The following PHLPP1 variants were observed in gnomAD, a reference collection of about 807,000 sequenced individuals.
The protein encoded by PHLPP1 is PH domain leucine-rich repeat-containing protein phosphatase 1.
In PHLPP1, 42 loss-of-function variants were observed where a neutral mutation model predicts 117.2. The observed-to-expected ratio is 0.36, with a 90% CI of 0.28 to 0.46. The LOEUF (loss-of-function observed/expected upper bound fraction) is 0.46, where lower values mean the gene tolerates loss of function less well. Among genes scored for constraint, PHLPP1 ranks in the 20% least tolerant of loss-of-function variants. The pLI is 1.00. For missense variants in PHLPP1, 2,084 were observed against 2,241.9 expected, an observed-to-expected ratio of 0.93 and a Z score of 1.42; for synonymous variants, 1,042 against 970.7, an observed-to-expected ratio of 1.07 and a Z score of -1.37.
chr18:62,934,777 A>T (rs1232234765), intron 10 of PHLPP1, among the ~76,000 whole-genome samples: 1 of 152,176 alleles, frequency 6.6e-6, no homozygotes, highest in African/African-American at 2.4e-5. Flanking sequence ...TCCTCAGCTC[A>T]TGTGTGGATA....
At chr18:62,855,088 T>G (rs1049503936) in intron 3 of PHLPP1, among the ~76,000 whole-genome samples, 1 of 152,172 alleles carries the variant, frequency 6.6e-6, no homozygotes, top group African/African-American at 2.4e-5. Context: ...AAGTTCTTAC[T>G]GCACAGGGTA....
intron 10 of PHLPP1, among the ~76,000 whole-genome samples, chr18:62,925,817 T>A (rs938404894): frequency 1.3e-5 from 2 of 152,166 alleles, no homozygotes; most frequent in Non-Finnish European, 2.9e-5. Flanking sequence ...AACATGCAGA[T>A]TCTTGGCTCT....
intron 1 of PHLPP1, among the ~76,000 whole-genome samples, chr18:62,746,207 G>A (rs1021142225): frequency 7.2e-5 from 11 of 152,022 alleles, no homozygotes; most frequent in Non-Finnish European, 1.2e-4. Context: ...CACCATACCC[G>A]GCTAATTTTG....
chr18:62,938,017 TAAA>T (rs1910025775), intron 10 of PHLPP1, among the ~76,000 whole-genome samples: 1 of 151,576 alleles, frequency 6.6e-6, no homozygotes. Flanking sequence ...AAAAAGAAAA[TAAA>T]AAAGAAGAAG....
intron 1 of PHLPP1, among the ~76,000 whole-genome samples, chr18:62,762,203 T>G (rs989217204): frequency 1.3e-5 from 2 of 152,016 alleles, no homozygotes; most frequent in African/African-American, 4.8e-5. Context: ...TTGTATCTAG[T>G]TCAGGTCGTC....
intron 1 of PHLPP1, among the ~76,000 whole-genome samples, chr18:62,817,582 A>C (rs184878918): frequency 2.6e-5 from 4 of 152,108 alleles, no homozygotes; most frequent in Admixed American, 2.0e-4. Flanking sequence ...TAAAAAAAAA[A>C]CCCATAATGA....
intron 16 of PHLPP1, among the ~76,000 whole-genome samples, chr18:62,975,900 G>T (rs1459110276): frequency 6.6e-6 from 1 of 152,180 alleles, no homozygotes; most frequent in East Asian, 1.9e-4. Context: ...CTGCTTTGGT[G>T]GTTGAGGGCT....
chr18:62,793,913 A>G (rs1913541850), intron 1 of PHLPP1, among the ~76,000 whole-genome samples: 4 of 152,232 alleles, frequency 2.6e-5, no homozygotes, highest in African/African-American at 4.8e-5. Context: ...GTTCAATCCT[A>G]TATCAAACTG....
chr18:62,793,181 GAA>G (rs10617398), intron 1 of PHLPP1, among the ~76,000 whole-genome samples: 21,731 of 152,048 alleles, frequency 0.14, 3,312 homozygotes, highest in African/African-American at 0.39. Context: ...TCTCAGAAAA[GAA>G]AACAAAAAAC....
At position 62,872,713 on chromosome 18, in the gene PHLPP1, G is replaced by A. The variant is rs576943512; in HGVS notation, c.2066+12112G>A. 5.3e-5 allele frequency among the ~76,000 whole-genome samples: 8 copies of A among 151,186 alleles called. No homozygotes were observed. The East Asian group carries it at 7.8e-4, about 15-fold the overall frequency. ...TCTCAAAAAAAAAATTAGGTGGGGC[G>A]TGGTGGCTCACGCCTGTAATCCCAG... is the stretch of plus-strand genomic sequence containing the variant. On this transcript the variant is annotated intron_variant, in intron 4 of 16. Coordinates refer to ENST00000262719, the MANE Select transcript of PHLPP1 (RefSeq NM_194449.4).
rs532023919 is a variant in PHLPP1, at chr18:62,789,921, A to G, written c.1577-40114A>G. ...TTTGGCTTTTTCTTTAATGAGCTTG[A>G]TAGGTCATTTATCGCAGTTGAAGTC... On this transcript the variant is annotated intron_variant, in intron 1 of 16. Transcript: ENST00000262719. Among the ~76,000 whole-genome samples, 12 of 152,296 alleles carry G rather than the reference A, an allele frequency of 7.9e-5. No homozygotes were observed. In the South Asian group the frequency reaches 2.3e-3, roughly 29 times the overall value.
intron 8 of PHLPP1, among the ~76,000 whole-genome samples, chr18:62,912,720 A>G (rs1005566277): frequency 3.9e-5 from 6 of 152,048 alleles, no homozygotes; most frequent in East Asian, 3.9e-4. Context: ...CCTGGGTTCA[A>G]ATGATTCTCC....
chr18:62,817,974 C>T (rs1390055297), intron 1 of PHLPP1, among the ~76,000 whole-genome samples: 1 of 151,380 alleles, frequency 6.6e-6, no homozygotes, highest in Non-Finnish European at 1.5e-5. Flanking sequence ...CCTGCCTCAG[C>T]CTCCCGAGTA....
intron 1 of PHLPP1, among the ~76,000 whole-genome samples, chr18:62,721,132 C>G (rs895908210): frequency 3.3e-5 from 5 of 152,112 alleles, no homozygotes; most frequent in Non-Finnish European, 5.9e-5. Flanking sequence ...GTATTATCCT[C>G]TAGTTCAAAG....
In PHLPP1 at chr18:62,815,147, C is replaced by CT. The variant is rs1178913563; in HGVS notation, c.1577-14876dup. On this transcript the variant is annotated intron_variant, in intron 1 of 16. Coordinates refer to ENST00000262719, the MANE Select transcript of PHLPP1 (RefSeq NM_194449.4). ...ATTTGACCGTGGCTGGAGGATGTTT[C>CT]TTTTTTTTTTTTCCTCTTTTTTTTT... 1.0e-3 allele frequency among the ~76,000 whole-genome samples: 142 copies of CT among 135,814 alleles called. 1 individual carries two copies. Among genetic ancestry groups the CT allele is most frequent in the South Asian group, 3.3e-3 (14 of 4,234 alleles). 89.1% of individuals were successfully genotyped at this position (135,814 alleles called of 152,430 possible).
At chr18:62,842,571 C>A (rs1301515842) in intron 3 of PHLPP1, among the ~76,000 whole-genome samples, 1 of 151,832 alleles carries the variant, frequency 6.6e-6, no homozygotes, top group Non-Finnish European at 1.5e-5. Context: ...ACCATGTTGG[C>A]CAGGCTGGTC....
At chr18:62,926,208 C>T (rs1329447793) in intron 10 of PHLPP1, among the ~76,000 whole-genome samples, 2 of 152,150 alleles carry the variant, frequency 1.3e-5, no homozygotes, top group Non-Finnish European at 2.9e-5. Flanking sequence ...ATTCTTTTCT[C>T]TCCCCTATTT....
rs74548098 is a variant in PHLPP1, at chr18:62,784,663, A to G, written c.1577-45372A>G. 5.8e-3 allele frequency among the ~76,000 whole-genome samples: 884 copies of G among 152,364 alleles called. 3 individuals are homozygous for G. The highest frequency in any genetic ancestry group is 0.02 in the African/African-American group (829 of 41,586). On this transcript the variant is annotated intron_variant, in intron 1 of 16. Coordinates refer to ENST00000262719, the MANE Select transcript of PHLPP1 (RefSeq NM_194449.4). ...TTGCAGATATATAACCTGCTTCAGT[A>G]CGTGTTAACGTTTTGGACTATTTGG... is the stretch of plus-strand genomic sequence containing the variant.
chr18:62,821,310 C>T (rs1288299405), intron 1 of PHLPP1, among the ~76,000 whole-genome samples: 1 of 151,382 alleles, frequency 6.6e-6, no homozygotes, highest in African/African-American at 2.4e-5. Flanking sequence ...TAAGCAATAA[C>T]AATGAAAAAA....
Sources: gnomAD v4.1 joint callset for allele counts (sites outside exome capture counted in the v4.1 genomes callset) on GRCh38, gnomAD v4.1.1 for gene constraint, MANE v1.5 for transcripts, NCBI Gene and HGNC (gene_info 2026-07-23, HGNC 2026-07-21) for gene names.